Variants in PALS2 observed in about 807,000 individuals in gnomAD.
PALS2 encodes the protein protein associated with LIN7 2, MAGUK p55 family member, also known as protein PALS2.
A neutral mutation model predicts 61.6 loss-of-function variants in PALS2; 27 were observed. That is an observed-to-expected ratio of 0.44 (90% CI 0.32 to 0.60). The LOEUF is 0.60. Among genes scored for constraint, PALS2 ranks in the 20% least tolerant of loss-of-function variants. The pLI, the probability that PALS2 is intolerant of heterozygous loss-of-function variation, is 0.05. For missense variants in PALS2, 554 were observed against 639.4 expected (o/e 0.87, Z 1.44); for synonymous variants, 236 against 218.6 (o/e 1.08, Z -0.70).
intron 5 of PALS2, among the ~76,000 whole-genome samples, chr7:24,663,053 A>T (rs1008648280): frequency 2.6e-5 from 4 of 152,176 alleles, no homozygotes; most frequent in Non-Finnish European, 4.4e-5. Context: ...TTGATCATTT[A>T]AATTTAAGAT....
At chr7:24,605,583 A>G (rs1012187908) in intron 1 of PALS2, among the ~76,000 whole-genome samples, 1 of 152,102 alleles carries the variant, frequency 6.6e-6, no homozygotes, top group Non-Finnish European at 1.5e-5. Flanking sequence ...ATATGTAAGA[A>G]TAGGTCTATA....
At chr7:24,661,280 A>C (rs1458046769) in intron 5 of PALS2, among the ~76,000 whole-genome samples, 1 of 152,142 alleles carries the variant, frequency 6.6e-6, no homozygotes, top group African/African-American at 2.4e-5. Context: ...AAATCAGGTT[A>C]ATCTGAGTTT....
rs1286912386 is a variant in PALS2 at position 24,676,758 on chromosome 7, A to G, written c.1115-2373A>G. On this transcript the variant is annotated intron_variant, in intron 9 of 11. Coordinates refer to ENST00000222644, the MANE Select transcript of PALS2 (RefSeq NM_001303037.2). ...GTATCTCTGTTTTGGTACCAGTCCC[A>G]TGCTGTTTTGGTTACTGTAGCCTTG... Among the ~76,000 whole-genome samples, 2 of 151,052 alleles carry G rather than the reference A, an allele frequency of 1.3e-5. 1 individual carries two copies. Among genetic ancestry groups the G allele is most frequent in the African/African-American group, 5.0e-5 (2 of 40,358 alleles).
At chr7:24,655,460 G>A (rs918942436) in intron 5 of PALS2, among the ~76,000 whole-genome samples, 1 of 152,116 alleles carries the variant, frequency 6.6e-6, no homozygotes, top group South Asian at 2.1e-4. Flanking sequence ...ATGGAATGAG[G>A]GCAGGAGAAT....
Position 24,625,116 on chromosome 7 carries a change from A to G in PALS2, c.117+1332A>G, listed in dbSNP as rs531693065. ...TTTCAGATTCAAACTTGTCATAAAC[A>G]TTAATTCCTACTGTTTTAAAGTAAT... On this transcript the variant is annotated intron_variant, in intron 2 of 11. Transcript: ENST00000222644. Among the ~76,000 whole-genome samples, 16 of 152,306 alleles carry G rather than the reference A, an allele frequency of 1.1e-4. 1 individual carries two copies. Among genetic ancestry groups the G allele is most frequent in the Admixed American group, 3.3e-4 (5 of 15,298 alleles).
Position 24,668,424 on chromosome 7 carries a change from A to G in PALS2, c.953-75A>G, listed in dbSNP as rs1028265198. Reference sequence around the variant, plus strand: ...TAACTATCAAGACAGCTAAGCCATTACTAGACAGAATTGCAGAGATTTCTT... The same window carrying G: ...TAACTATCAAGACAGCTAAGCCATTGCTAGACAGAATTGCAGAGATTTCTT... On this transcript the variant is annotated intron_variant, in intron 8 of 11. Coordinates refer to ENST00000222644, the MANE Select transcript of PALS2 (RefSeq NM_001303037.2). The G allele has an allele frequency of 3.0e-5, 41 of 1,365,414 alleles. 1 individual carries two copies. The African/African-American group carries it at 5.1e-4, about 17-fold the overall frequency. The allele number at this position is 1,365,414 out of a possible 1,614,324, so 84.6% of individuals were successfully genotyped here. A position where few individuals can be genotyped will look rare whatever the true frequency, so the allele number is the denominator to read the frequency against.
chr7:24,615,798 G>A (rs1784275222), intron 1 of PALS2, among the ~76,000 whole-genome samples: 1 of 151,922 alleles, frequency 6.6e-6, no homozygotes, highest in African/African-American at 2.4e-5. Flanking sequence ...GAACATAAAT[G>A]CAAAAATCCT....
intron 3 of PALS2, among the ~76,000 whole-genome samples, chr7:24,642,139 A>G (rs533650924): frequency 6.3e-4 from 96 of 152,282 alleles, no homozygotes; most frequent in Non-Finnish European, 1.2e-3. Context: ...ACCTTAATTC[A>G]CCGTCAGACC....
At chr7:24,682,457 T>C (rs1787983600) in intron 11 of PALS2, among the ~76,000 whole-genome samples, 2 of 152,172 alleles carry the variant, frequency 1.3e-5, no homozygotes, top group South Asian at 4.1e-4. Flanking sequence ...TGGACTCAGC[T>C]CTGTCCTCAA....
intron 1 of PALS2, among the ~76,000 whole-genome samples, chr7:24,615,574 T>A (rs1466225271): frequency 6.6e-6 from 1 of 151,764 alleles, no homozygotes; most frequent in Non-Finnish European, 1.5e-5. Context: ...CAACAATGTA[T>A]GATACGACTG....
intron 2 of PALS2, among the ~76,000 whole-genome samples, chr7:24,633,369 T>C (rs968800022): frequency 6.9e-6 from 1 of 145,214 alleles, no homozygotes; most frequent in Admixed American, 6.7e-5. Flanking sequence ...TTTTTTTTTT[T>C]CTTTCAACAT....
In PALS2 at chr7:24,691,389, A is replaced by ATGTGTGTGTT. The variant is rs1554318901; in HGVS notation, c.*3784_*3785insTTGTGTGTGT. On this transcript the variant is annotated 3_prime_UTR_variant, in exon 12 of 12. Transcript: ENST00000222644. ...ATGTTCGAGTTGCCATATATTATGT[A>ATGTGTGTGTT]TGTGTGTGTGTGTGTGTATATATAT... 26 of 87,710 alleles carry ATGTGTGTGTT rather than the reference A, an allele frequency of 3.0e-4. No homozygotes were observed. The highest frequency in any genetic ancestry group is 1.1e-3 in the African/African-American group (25 of 22,406). 5.4% of individuals were successfully genotyped at this position (87,710 alleles called of 1,614,324 possible). A position where few individuals can be genotyped will look rare whatever the true frequency, so the allele number is the denominator to read the frequency against.
Position 24,656,082 on chromosome 7 carries a change from T to C in PALS2, c.651+5370T>C, listed in dbSNP as rs76202831. ...ATCTCAGCTAGTGTCATGGAAAATC[T>C]CTTAGCAATGATAATCACTTTGTTC... On this transcript the variant is annotated intron_variant, in intron 5 of 11. Coordinates refer to ENST00000222644, the MANE Select transcript of PALS2 (RefSeq NM_001303037.2). 9.2e-3 allele frequency among the ~76,000 whole-genome samples: 1,394 copies of C among 152,272 alleles called. 24 individuals carry two copies. Among genetic ancestry groups the C allele is most frequent in the African/African-American group, 0.032 (1,347 of 41,534 alleles).
Position 24,580,819 on chromosome 7 carries a change from G to A in PALS2, c.-3+7226G>A, listed in dbSNP as rs568305211. Among the ~76,000 whole-genome samples, 167 of 152,302 alleles carry A rather than the reference G, an allele frequency of 1.1e-3. 7 individuals carry two copies. In the South Asian group the frequency reaches 0.033, roughly 30 times the overall value. On this transcript the variant is annotated intron_variant, in intron 1 of 11. Coordinates refer to ENST00000222644, the MANE Select transcript of PALS2 (RefSeq NM_001303037.2). ...AGGTTGGCGTTTAGTCATAGTTAATGCTGATGTAAACATTTGATAATATTA... is the reference window on the plus strand; with the variant it reads ...AGGTTGGCGTTTAGTCATAGTTAATACTGATGTAAACATTTGATAATATTA...
rs1206988367 is a variant in PALS2 at position 24,573,607 on chromosome 7, A to T, written c.-3+14A>T. ...AGGTGCGAGCCGGTGAGTTAACTGG[A>T]CCCCCACGCCGCTCGGGTAACGGTC... On this transcript the variant is annotated intron_variant, in intron 1 of 11. Transcript: ENST00000222644. The surrounding 1 kb of genome is among the most constrained non-coding windows in gnomAD (Gnocchi z 5.3). The T allele has an allele frequency of 1.1e-5, 4 of 351,408 alleles. No homozygotes were observed. The highest frequency in any genetic ancestry group is 6.7e-5 in the African/African-American group (3 of 44,750). 21.8% of individuals were successfully genotyped at this position (351,408 alleles called of 1,614,324 possible). A position where few individuals can be genotyped will look rare whatever the true frequency, so the allele number is the denominator to read the frequency against.
At chr7:24,607,827 A>T (rs1783975416) in intron 1 of PALS2, among the ~76,000 whole-genome samples, 1 of 152,056 alleles carries the variant, frequency 6.6e-6, no homozygotes, top group East Asian at 1.9e-4. Context: ...TATCTCTAAA[A>T]GAATGAGCTT....
intron 1 of PALS2, among the ~76,000 whole-genome samples, chr7:24,611,987 A>G (rs1256550186): frequency 1.3e-5 from 2 of 151,986 alleles, no homozygotes; most frequent in Non-Finnish European, 2.9e-5. Flanking sequence ...ATGGAAAGAA[A>G]CTGATAGATT....
chr7:24,597,699 G>A (rs1006336190), intron 1 of PALS2, among the ~76,000 whole-genome samples: 9 of 152,094 alleles, frequency 5.9e-5, no homozygotes, highest in Admixed American at 5.9e-4. Flanking sequence ...AGAGGAGGAA[G>A]GGCATACTTT....
At chr7:24,660,821 A>G (rs1786679142) in intron 5 of PALS2, among the ~76,000 whole-genome samples, 1 of 152,238 alleles carries the variant, frequency 6.6e-6, no homozygotes. Context: ...AGGTTGAACC[A>G]TTCTTCCACA....
Sources: allele counts gnomAD v4.1 joint callset (sites outside exome capture counted in the v4.1 genomes callset), GRCh38; gene constraint gnomAD v4.1.1; non-coding constraint Gnocchi (gnomAD v3.1); transcripts MANE v1.5; gene names NCBI Gene and HGNC (gene_info 2026-07-23, HGNC 2026-07-21).